Variants in TNPO1 observed in about 807,000 individuals in gnomAD.
TNPO1 encodes transportin-1.
Under a neutral mutation model 119.5 loss-of-function variants are expected in TNPO1, and 8 were observed. The ratio of observed to expected loss-of-function variants is 0.07; its 90% CI spans 0.04 to 0.12. TNPO1 has a LOEUF of 0.12. Among genes scored for constraint, TNPO1 ranks in the 10% least tolerant of loss-of-function variants. TNPO1 has a pLI of 1.00. For synonymous variants in TNPO1, 362 were observed against 363.0 expected, an observed-to-expected ratio of 1.00 and a Z score of 0.03; for missense variants, 576 against 1,089.8, an observed-to-expected ratio of 0.53 and a Z score of 6.64.
intron 7 of TNPO1, among the ~76,000 whole-genome samples, chr5:72,873,629 C>T (rs571169915): frequency 6.6e-6 from 1 of 152,076 alleles, no homozygotes; most frequent in Non-Finnish European, 1.5e-5. Flanking sequence ...AATTTTATGC[C>T]TGCAAGGTGT....
intron 8 of TNPO1, among the ~76,000 whole-genome samples, chr5:72,876,677 CAGT>C (rs757005389): frequency 1.8e-4 from 28 of 152,226 alleles, no homozygotes; most frequent in Non-Finnish European, 3.4e-4. Context: ...TCAAAAATCT[CAGT>C]AGTATCATAA....
chr5:72,901,059 A>G lies in TNPO1; in HGVS notation c.2500A>G (p.Ser834Gly). 1 of 1,604,342 alleles carries G rather than the reference A, an allele frequency of 6.2e-7. No homozygotes were observed. The highest frequency in any genetic ancestry group is 8.5e-7 in the Non-Finnish European group (1 of 1,175,090). Reference sequence around the variant, plus strand: ...TTGTACCATGATCAGTGTGAATCCCAGTGGCGTAATCCAAGTAAGATGTTC... The same window carrying G: ...TTGTACCATGATCAGTGTGAATCCCGGTGGCGTAATCCAAGTAAGATGTTC... ...GICTMISVNP[S>G]GVIQDFIFFC... The change falls in exon 22 of 25, where the codon AGT becomes GGT. Residue 834 changes from serine (S) to glycine (G), a missense_variant. Coordinates refer to ENST00000337273, the MANE Select transcript of TNPO1 (RefSeq NM_002270.4).
chr5:72,880,815 T>TGA (rs1748185610), intron 9 of TNPO1, among the ~76,000 whole-genome samples: 4 of 37,190 alleles, frequency 1.1e-4, no homozygotes, highest in Non-Finnish European at 1.9e-4. Flanking sequence ...AGACTCCATC[T>TGA]CAAAAAAAAA....
At chr5:72,901,436 T>G (rs1258271201) in intron 22 of TNPO1, among the ~76,000 whole-genome samples, 2 of 152,178 alleles carry the variant, frequency 1.3e-5, no homozygotes, top group Admixed American at 6.5e-5. Flanking sequence ...GACCAAATAG[T>G]AGGAATACTG....
At position 72,882,708 on chromosome 5, in the gene TNPO1, G is replaced by T. The variant is rs146551520; in HGVS notation, c.981+181G>T. On this transcript the variant is annotated intron_variant, in intron 10 of 24. Transcript: ENST00000337273. ...TAAATTCTTGCTTAATTTGGTACTA[G>T]ATGGTGACATTGGTAGGGTTATTAT... 2.8e-4 allele frequency among the ~76,000 whole-genome samples: 42 copies of T among 152,246 alleles called. 1 individual carries two copies. In the East Asian group the frequency reaches 7.3e-3, roughly 27 times the overall value.
intron 15 of TNPO1, among the ~76,000 whole-genome samples, chr5:72,892,125 A>G (rs565152848): frequency 6.6e-6 from 1 of 152,186 alleles, no homozygotes; most frequent in South Asian, 2.1e-4. Flanking sequence ...ATACTACTCT[A>G]TATAGTATAG....
At chr5:72,899,876 A>C (rs549801422) in intron 20 of TNPO1, 130 bp from the exon 21 acceptor site, 1 of 708,458 alleles carries the variant, frequency 1.4e-6, no homozygotes. Flanking sequence ...GTTTATTATC[A>C]TACACAAATT....
chr5:72,888,172 A>G lies in TNPO1; in HGVS notation c.1398A>G (p.Thr466=), dbSNP rs770678521. ...AAAAGGCTCTTGTGCGTTCCATAACATGCTGGACTCTTAGCCGCTATGCAC... is the reference window on the plus strand; with the variant it reads ...AAAAGGCTCTTGTGCGTTCCATAACGTGCTGGACTCTTAGCCGCTATGCAC... The part of the protein sequence containing the change: ...SDKKALVRSI[T]CWTLSRYAHW... The change falls in exon 13 of 25, where the codon ACA becomes ACG. Residue 466 remains threonine, a synonymous_variant. Transcript: ENST00000337273. 1.9e-6 allele frequency: 3 copies of G among 1,614,152 alleles called. No homozygotes were observed. Among genetic ancestry groups the G allele is most frequent in the Middle Eastern group, 1.6e-4 (1 of 6,062 alleles).
At chr5:72,896,410 T>C in intron 18 of TNPO1, 48 bp from the exon 19 acceptor site, 3 of 1,329,638 alleles carry the variant, frequency 2.3e-6, no homozygotes, top group Middle Eastern at 1.8e-4. Context: ...TAAAGTACAA[T>C]ATACTGCTAT....
At chr5:72,888,639 A>G (rs1464256847) in intron 13 of TNPO1, among the ~76,000 whole-genome samples, 2 of 152,198 alleles carry the variant, frequency 1.3e-5, no homozygotes, top group East Asian at 1.9e-4. Context: ...AGTGGTTATT[A>G]TAACAGAACT....
intron 21 of TNPO1, 156 bp from the exon 22 acceptor site, chr5:72,900,818 G>T: frequency 2.3e-6 from 1 of 435,134 alleles, no homozygotes; most frequent in Non-Finnish European, 4.1e-6. Flanking sequence ...CAACAAACAG[G>T]AAGTATGAGT....
chr5:72,848,288 C>G, intron 1 of TNPO1, 97 bp from the exon 2 acceptor site: 1 of 1,341,740 alleles, frequency 7.5e-7, no homozygotes, highest in Non-Finnish European at 9.7e-7. Context: ...GTTGTGGTGG[C>G]GGGGAGAACG....
chr5:72,822,235 A>G (rs1446361520), intron 1 of TNPO1, among the ~76,000 whole-genome samples: 1 of 152,206 alleles, frequency 6.6e-6, no homozygotes, highest in Non-Finnish European at 1.5e-5. Flanking sequence ...TAAGTGGGCA[A>G]GTTCCACAGA....
At chr5:72,878,840 CG>C in intron 9 of TNPO1, 1 of 428,566 alleles carries the variant, frequency 2.3e-6, no homozygotes. Flanking sequence ...AGCAGAAATC[CG>C]CTTTTATTTA....
chr5:72,848,259 G>C (rs1011989378), intron 1 of TNPO1, 126 bp from the exon 2 acceptor site: 2 of 1,312,206 alleles, frequency 1.5e-6, no homozygotes, highest in East Asian at 6.3e-5. Context: ...CAGGTCCGCG[G>C]CGTTTGGGGA....
At position 72,910,523 on chromosome 5, in the gene TNPO1, T is replaced by C. The variant is rs1385009076; in HGVS notation, c.*1850T>C. 1 of 152,640 alleles carries C rather than the reference T, an allele frequency of 6.6e-6. No individual in the cohort carries two copies. The highest frequency in any genetic ancestry group is 1.5e-5 in the Non-Finnish European group (1 of 68,012). The allele number at this position is 152,640 out of a possible 1,614,324, so 9.5% of individuals were successfully genotyped here. On this transcript the variant is annotated 3_prime_UTR_variant, in exon 25 of 25. Coordinates refer to ENST00000337273, the MANE Select transcript of TNPO1 (RefSeq NM_002270.4). ...CTGGTCAGAGATGAAGCCACGCCTTTCCATTTTTCAATGCTGCATATTTAA... is the reference window on the plus strand; with the variant it reads ...CTGGTCAGAGATGAAGCCACGCCTTCCCATTTTTCAATGCTGCATATTTAA...
intron 18 of TNPO1, 116 bp from the exon 19 acceptor site, chr5:72,896,342 A>C: frequency 3.7e-6 from 2 of 541,496 alleles, no homozygotes; most frequent in Non-Finnish European, 6.2e-6. Flanking sequence ...TAATTTTTTT[A>C]ATGGTGAAAC....
At chr5:72,901,542 T>C (rs1749796252) in intron 22 of TNPO1, among the ~76,000 whole-genome samples, 1 of 152,236 alleles carries the variant, frequency 6.6e-6, no homozygotes, top group South Asian at 2.1e-4. Flanking sequence ...TGAGAGCTTA[T>C]GATTTATTCA....
intron 1 of TNPO1, among the ~76,000 whole-genome samples, chr5:72,836,467 G>A (rs1046431882): frequency 2.9e-4 from 44 of 152,188 alleles, no homozygotes; most frequent in Non-Finnish European, 8.8e-5. Flanking sequence ...GCCAGGGAAT[G>A]CTGCACTATA....
Sources: gnomAD v4.1 joint callset for allele counts (sites outside exome capture counted in the v4.1 genomes callset) on GRCh38, gnomAD v4.1.1 for gene constraint, MANE v1.5 for transcripts, NCBI Gene and HGNC (gene_info 2026-07-23, HGNC 2026-07-21) for gene names.